Variants in ATP13A4 observed in about 807,000 individuals in gnomAD.
The protein encoded by ATP13A4 is ATPase 13A4.
ATP13A4 carries 114 observed loss-of-function variants against 142.5 expected under a neutral mutation model. The ratio of observed to expected loss-of-function variants is 0.80; its 90% confidence interval spans 0.69 to 0.93. The LOEUF (loss-of-function observed/expected upper bound fraction) is 0.93. ATP13A4 is among the 40% of genes least tolerant of loss of function. The probability of loss-of-function intolerance (pLI) is 0.00; values close to 1 mark genes in which losing one functional copy is unlikely to be tolerated. For missense variants in ATP13A4, 1,392 were observed against 1,454.0 expected, an observed-to-expected ratio of 0.96 and a Z score of 0.69; for synonymous variants, 488 against 514.8, an observed-to-expected ratio of 0.95 and a Z score of 0.70.
chr3:193,581,365 C>T (rs1267953044), intron 2 of ATP13A4, among the ~76,000 whole-genome samples: 1 of 152,074 alleles, frequency 6.6e-6, no homozygotes, highest in Admixed American at 6.5e-5. Context: ...ATTTGTAGTG[C>T]GTGCTGATTT....
At chr3:193,446,825 CT>C in intron 18 of ATP13A4, among the ~76,000 whole-genome samples, 1 of 152,132 alleles carries the variant, frequency 6.6e-6, no homozygotes, top group Non-Finnish European at 1.5e-5. Flanking sequence ...GAGTAAGTTA[CT>C]TACAGTGGAC....
intron 3 of ATP13A4, among the ~76,000 whole-genome samples, chr3:193,495,022 G>T (rs1720148462): frequency 6.6e-6 from 1 of 152,028 alleles, no homozygotes; most frequent in East Asian, 1.9e-4. Context: ...AAAATTCCTG[G>T]ACACATGTAA....
At chr3:193,557,907 G>T (rs1474445093), upstream of ATP13A4, among the ~76,000 whole-genome samples, 11 of 152,234 alleles carry the variant, frequency 7.2e-5, no homozygotes, top group Non-Finnish European at 1.2e-4. Flanking sequence ...ATCAGAGGAA[G>T]AAACACATGG....
chr3:193,530,315 C>T (rs892766680), intron 1 of ATP13A4, among the ~76,000 whole-genome samples: 4 of 151,986 alleles, frequency 2.6e-5, no homozygotes, highest in African/African-American at 9.7e-5. Context: ...AAAAGTACTA[C>T]TCAAATGTAA....
intron 1 of ATP13A4, among the ~76,000 whole-genome samples, chr3:193,529,505 C>T (rs755525241): frequency 1.6e-4 from 25 of 152,018 alleles, no homozygotes; most frequent in Middle Eastern, 3.4e-3. Context: ...TGAACTTTTG[C>T]CATTTGTTTT....
chr3:193,431,668 G>A (rs985301287), intron 25 of ATP13A4, among the ~76,000 whole-genome samples: 3 of 150,908 alleles, frequency 2.0e-5, no homozygotes, highest in Non-Finnish European at 4.4e-5. Context: ...ATATGGGTGT[G>A]TATGTGTATA....
At chr3:193,490,645 C>T (rs989987919) in intron 6 of ATP13A4, among the ~76,000 whole-genome samples, 2 of 152,192 alleles carry the variant, frequency 1.3e-5, no homozygotes, top group East Asian at 3.9e-4. Context: ...GAATGGCAAA[C>T]CTTTCTTCTG....
At position 193,462,818 on chromosome 3, in the gene ATP13A4, G is replaced by T. The variant is rs1021809127; in HGVS notation, c.1467C>A (p.Gly489=). The T allele has an allele frequency of 2.5e-6, 4 of 1,613,818 alleles. No homozygotes were observed. Among genetic ancestry groups the T allele is most frequent in the Non-Finnish European group, 3.4e-6 (4 of 1,179,778 alleles). The change falls in exon 13 of 30, where the codon GGC becomes GGA. Residue 489 remains glycine (G), a synonymous_variant. Coordinates refer to ENST00000342695, the MANE Select transcript of ATP13A4 (RefSeq NM_032279.4). ...QLNLVCFDKT[G]TLTRDGLDLW... is the part of the protein sequence containing the mutation. Reference sequence around the variant, plus strand: ...GGTCCAAGCCGTCCCTTGTTAAGGTGCCTGTCTAAACAGAAACAAATGCTC... The same window carrying T: ...GGTCCAAGCCGTCCCTTGTTAAGGTTCCTGTCTAAACAGAAACAAATGCTC...
chr3:193,418,497 C>T (rs1715232027), intron 25 of ATP13A4, among the ~76,000 whole-genome samples: 1 of 149,450 alleles, frequency 6.7e-6, no homozygotes, highest in Admixed American at 6.9e-5. Flanking sequence ...GCACAGAAAA[C>T]CAGTATGGCC....
intron 28 of ATP13A4, among the ~76,000 whole-genome samples, chr3:193,410,191 G>A (rs1051450928): frequency 2.6e-5 from 4 of 152,036 alleles, no homozygotes; most frequent in Non-Finnish European, 5.9e-5. Flanking sequence ...GAGAGTTTAT[G>A]AGGAAAAATA....
chr3:193,476,358 T>C (rs1718965791), intron 8 of ATP13A4, among the ~76,000 whole-genome samples: 1 of 152,050 alleles, frequency 6.6e-6, no homozygotes, highest in Admixed American at 6.5e-5. Flanking sequence ...TTTTCTTACC[T>C]CTCTCAGCCT....
chr3:193,582,149 C>CA (rs1406468087), intron 1 of ATP13A4, among the ~76,000 whole-genome samples: 26 of 124,440 alleles, frequency 2.1e-4, no homozygotes, highest in African/African-American at 7.5e-4. Context: ...CTTTTCTTTT[C>CA]TTTTTTTTTT....
intron 2 of ATP13A4, among the ~76,000 whole-genome samples, chr3:193,509,607 T>C (rs1721037131): frequency 6.6e-6 from 1 of 152,220 alleles, no homozygotes; most frequent in South Asian, 2.1e-4. Flanking sequence ...CATACTGCTT[T>C]ATAAACTGTA....
rs1381064998 is a variant in ATP13A4 at position 193,399,615 on chromosome 3, G to C, written c.*3037C>G. Reference sequence around the variant, plus strand: ...TGTAATCCCGGCACTTTGGGAGGCCGAGGCGGGCGGATCACGAGGTCAGGA... The same window carrying C: ...TGTAATCCCGGCACTTTGGGAGGCCCAGGCGGGCGGATCACGAGGTCAGGA... On this transcript the variant is annotated 3_prime_UTR_variant, in exon 30 of 30. Transcript: ENST00000342695. Among the ~76,000 whole-genome samples, 1 of 152,056 alleles carries C rather than the reference G, an allele frequency of 6.6e-6. No homozygotes were observed. The highest frequency in any genetic ancestry group is 2.4e-5 in the African/African-American group (1 of 41,398).
At chr3:193,415,667 C>T (rs945778199) in intron 25 of ATP13A4, among the ~76,000 whole-genome samples, 1 of 152,196 alleles carries the variant, frequency 6.6e-6, no homozygotes, top group African/African-American at 2.4e-5. Context: ...ATCTCTGTTC[C>T]ACCTAACACA....
rs375841182 is a variant in ATP13A4, at chr3:193,561,040, G to A, written n.291+20667C>T. 6.0e-4 allele frequency among the ~76,000 whole-genome samples: 92 copies of A among 152,332 alleles called. 1 individual carries two copies. Among genetic ancestry groups the A allele is most frequent in the African/African-American group, 2.1e-3 (88 of 41,578 alleles). On this transcript the variant is annotated intron_variant and non_coding_transcript_variant, in intron 2 of 3. Transcript: ENST00000489140. ...GCGTTCCAATTCCGAGTGGGAGCCT[G>A]GCATGGGAAAGGCTTCTTCACTCCT...
chr3:193,459,052 C>T (rs753342037), intron 14 of ATP13A4, 29 bp downstream of exon 14: 1 of 1,613,518 alleles, frequency 6.2e-7, no homozygotes, highest in Admixed American at 1.7e-5. Flanking sequence ...GAAGAAGCTT[C>T]TCAGATTCTC....
chr3:193,573,743 G>C lies in ATP13A4; in HGVS notation n.291+7964C>G, dbSNP rs117612911. On this transcript the variant is annotated intron_variant and non_coding_transcript_variant, in intron 2 of 3. Transcript: ENST00000489140. ...AGCTGTGGAATTTTATCAAATCCCA[G>C]CTCTTATATCATTCATTCTTCCAAA... is the stretch of plus-strand genomic sequence containing the variant. Among the ~76,000 whole-genome samples, 444 of 152,132 alleles carry C rather than the reference G, an allele frequency of 2.9e-3. 3 individuals are homozygous for C. The highest frequency in any genetic ancestry group is 0.017 in the South Asian group (81 of 4,810).
intron 1 of ATP13A4, among the ~76,000 whole-genome samples, chr3:193,532,847 A>G (rs1413190529): frequency 6.6e-6 from 1 of 152,196 alleles, no homozygotes; most frequent in African/African-American, 2.4e-5. Flanking sequence ...GCTTCTTAAA[A>G]TGGAATAGTA....
Sources: allele counts gnomAD v4.1 joint callset (sites outside exome capture counted in the v4.1 genomes callset), GRCh38; gene constraint gnomAD v4.1.1; transcripts MANE v1.5; gene names NCBI Gene and HGNC (gene_info 2026-07-23, HGNC 2026-07-21).